Variants in LRFN5 observed in about 807,000 individuals in gnomAD.
The protein encoded by LRFN5 is leucine-rich repeat and fibronectin type-III domain-containing protein 5.
A neutral mutation model predicts 45.6 loss-of-function variants in LRFN5; 24 were observed. The ratio of observed to expected loss-of-function variants is 0.53; its 90% CI spans 0.38 to 0.74. The LOEUF (loss-of-function observed/expected upper bound fraction) is 0.74. Among genes scored for constraint, LRFN5 ranks in the 30% least tolerant of loss-of-function variants. LRFN5 has a pLI of 0.00. For synonymous variants in LRFN5, 340 were observed against 313.8 expected (o/e 1.08, Z -0.88); for missense variants, 776 against 861.5 (o/e 0.90, Z 1.24).
At chr14:41,770,709 A>G (rs1278055278) in intron 2 of LRFN5, among the ~76,000 whole-genome samples, 1 of 152,146 alleles carries the variant, frequency 6.6e-6, no homozygotes, top group Non-Finnish European at 1.5e-5. Context: ...CTGCTCTCAC[A>G]GGTTGCAGTT....
chr14:41,892,428 G>A lies in LRFN5; in HGVS notation c.2098+466G>A, dbSNP rs146411298. 5.0e-4 allele frequency: 496 copies of A among 984,636 alleles called. 3 individuals are homozygous for A. The East Asian group carries it at 0.011, about 21-fold the overall frequency. 61.0% of individuals were successfully genotyped at this position (984,636 alleles called of 1,614,324 possible). ...TTCCCTATTCTAGGACCAACTCCTA[G>A]GACTAGCAACAGCAGATTAAAAAAA... On this transcript the variant is annotated intron_variant, in intron 4 of 5. Coordinates refer to ENST00000298119, the MANE Select transcript of LRFN5 (RefSeq NM_152447.5).
chr14:41,633,443 G>A (rs1292780826), intron 1 of LRFN5, among the ~76,000 whole-genome samples: 1 of 151,930 alleles, frequency 6.6e-6, no homozygotes, highest in African/African-American at 2.4e-5. Context: ...AAATGCCTTA[G>A]CAGATACATT....
chr14:41,621,683 T>TG (rs2138559495), intron 1 of LRFN5, among the ~76,000 whole-genome samples: 1 of 152,244 alleles, frequency 6.6e-6, no homozygotes, highest in South Asian at 2.1e-4. Flanking sequence ...TAGCAGGATG[T>TG]GAAAAACTCA....
intron 2 of LRFN5, among the ~76,000 whole-genome samples, chr14:41,873,204 C>G (rs1170219653): frequency 2.0e-5 from 3 of 152,128 alleles, no homozygotes; most frequent in African/African-American, 7.2e-5. Context: ...AAAACTGCAT[C>G]TTGATCCTAT....
At chr14:41,742,160 T>G (rs1163322661) in intron 1 of LRFN5, among the ~76,000 whole-genome samples, 1 of 151,814 alleles carries the variant, frequency 6.6e-6, no homozygotes, top group African/African-American at 2.4e-5. Flanking sequence ...ATGTTACTTT[T>G]GGATATATAG....
chr14:41,650,885 AAGAG>A (rs553509448), intron 1 of LRFN5, among the ~76,000 whole-genome samples: 1,050 of 104,864 alleles, frequency 0.01, 5 homozygotes, highest in Non-Finnish European at 0.014. Context: ...GAGACAGAGA[AAGAG>A]AGAGAGAGAG....
At chr14:41,715,709 A>T (rs1487597676) in intron 1 of LRFN5, among the ~76,000 whole-genome samples, 1 of 152,206 alleles carries the variant, frequency 6.6e-6, no homozygotes, top group Non-Finnish European at 1.5e-5. Context: ...CTGCTTCCAC[A>T]GGCTGACATT....
chr14:41,838,342 A>G (rs548375262), intron 2 of LRFN5, among the ~76,000 whole-genome samples: 1 of 152,136 alleles, frequency 6.6e-6, no homozygotes, highest in African/African-American at 2.4e-5. Context: ...CCCAAGGGAG[A>G]TGCTAATGAA....
intron 1 of LRFN5, among the ~76,000 whole-genome samples, chr14:41,635,160 G>A (rs1879242664): frequency 1.3e-5 from 2 of 151,960 alleles, no homozygotes; most frequent in African/African-American, 4.8e-5. Flanking sequence ...GATTTATAGT[G>A]AATCTGGAAC....
intron 2 of LRFN5, among the ~76,000 whole-genome samples, chr14:41,874,153 T>A (rs1255447528): frequency 1.3e-5 from 2 of 152,178 alleles, no homozygotes; most frequent in Non-Finnish European, 2.9e-5. Flanking sequence ...CATGATGATT[T>A]CATTGCATTT....
chr14:41,798,878 C>G (rs931900668), intron 2 of LRFN5, among the ~76,000 whole-genome samples: 2 of 151,952 alleles, frequency 1.3e-5, no homozygotes, highest in African/African-American at 4.8e-5. Context: ...ATTTTTGTCT[C>G]TGATCATTTA....
chr14:41,631,355 T>A lies in LRFN5; in HGVS notation c.-197+22793T>A, dbSNP rs8015287. ...AATCTAATTGATCCTTCAGAACCTATCTCAGAAAACCATGTCTGTGAGAAG... is the reference window on the plus strand; with the variant it reads ...AATCTAATTGATCCTTCAGAACCTAACTCAGAAAACCATGTCTGTGAGAAG... On this transcript the variant is annotated intron_variant, in intron 1 of 5. Transcript: ENST00000298119. Among the ~76,000 whole-genome samples the A allele has an allele frequency of 6.3e-3, 955 of 152,184 alleles. 11 individuals are homozygous for A. Among genetic ancestry groups the A allele is most frequent in the African/African-American group, 0.022 (915 of 41,516 alleles).
chr14:41,763,565 G>A (rs144895880), intron 1 of LRFN5, among the ~76,000 whole-genome samples: 4 of 152,144 alleles, frequency 2.6e-5, no homozygotes, highest in Admixed American at 6.5e-5. Flanking sequence ...GTGTCGTGTC[G>A]TGGGAGGGAC....
rs573539285 is a variant in LRFN5, at chr14:41,841,349, C to T, written c.-20-45257C>T. On this transcript the variant is annotated intron_variant, in intron 2 of 5. Transcript: ENST00000298119. ...CTTCACTGGATGGAAATAGCTAGTTCGAAATTTAGGGCTGTAGAGATAAAT... is the reference window on the plus strand; with the variant it reads ...CTTCACTGGATGGAAATAGCTAGTTTGAAATTTAGGGCTGTAGAGATAAAT... 5.9e-5 allele frequency among the ~76,000 whole-genome samples: 9 copies of T among 151,850 alleles called. No homozygotes were observed. In the South Asian group the frequency reaches 1.2e-3, roughly 21 times the overall value.
At position 41,768,121 on chromosome 14, in the gene LRFN5, C is replaced by T. The variant is rs549350906; in HGVS notation, c.-21+1092C>T. ...GAACAGGTAAGAGATACTTAATGAA[C>T]CCACTTTTATTTTGCGACATATTAC... is the stretch of plus-strand genomic sequence containing the variant. On this transcript the variant is annotated intron_variant, in intron 2 of 5. Transcript: ENST00000298119. Among the ~76,000 whole-genome samples, 4 of 152,122 alleles carry T rather than the reference C, an allele frequency of 2.6e-5. No individual in the cohort carries two copies. In the South Asian group the frequency reaches 8.3e-4, roughly 32 times the overall value.
intron 2 of LRFN5, among the ~76,000 whole-genome samples, chr14:41,846,426 G>T (rs1255809688): frequency 1.3e-5 from 2 of 152,120 alleles, no homozygotes; most frequent in Non-Finnish European, 2.9e-5. Flanking sequence ...GTATAGCAAT[G>T]AAAGTGAAAA....
In LRFN5 at chr14:41,844,894, T is replaced by C. The variant is rs570532508; in HGVS notation, c.-20-41712T>C. On this transcript the variant is annotated intron_variant, in intron 2 of 5. Transcript: ENST00000298119. ...AAATTAGAAATATATCAGATATAAT[T>C]AATTATTTTAAGAAGAAATGGATTT... 8.4e-4 allele frequency among the ~76,000 whole-genome samples: 128 copies of C among 152,288 alleles called. 1 individual carries two copies. Among genetic ancestry groups the C allele is most frequent in the African/African-American group, 3.0e-3 (126 of 41,572 alleles).
intron 4 of LRFN5, among the ~76,000 whole-genome samples, chr14:41,897,724 A>G (rs1468851627): frequency 2.0e-5 from 3 of 152,110 alleles, no homozygotes; most frequent in Non-Finnish European, 4.4e-5. Flanking sequence ...AATTATAACC[A>G]TCTCTACAAC....
intron 1 of LRFN5, among the ~76,000 whole-genome samples, chr14:41,646,086 C>A (rs908868775): frequency 6.6e-6 from 1 of 152,024 alleles, no homozygotes; most frequent in Admixed American, 6.6e-5. Context: ...AGTAGCATAT[C>A]CGTCATCTCA....
Sources: allele counts gnomAD v4.1 joint callset (sites outside exome capture counted in the v4.1 genomes callset), GRCh38; gene constraint gnomAD v4.1.1; transcripts MANE v1.5; gene names NCBI Gene and HGNC (gene_info 2026-07-23, HGNC 2026-07-21).